The following DRC8 variants were observed in gnomAD, a reference collection of about 807,000 sequenced individuals.
DRC8 encodes the protein dynein regulatory complex protein 8.
At chr1:244,969,914 C>T in the DRC8 span, 3 of 441,284 alleles carry the variant, frequency 6.8e-6, no homozygotes, top group African/African-American at 6.2e-5. Flanking sequence ...GGCCGGGCCG[C>T]GGGCTGGTTC....
chr1:245,034,600 C>CAAA, the DRC8 span, among the ~76,000 whole-genome samples: 41 of 39,504 alleles, frequency 1.0e-3, no homozygotes, highest in African/African-American at 4.0e-3. Context: ...GACTCCATCT[C>CAAA]AAAAAAAAAA....
At chr1:245,115,323 C>A in the DRC8 span, among the ~76,000 whole-genome samples, 1 of 152,216 alleles carries the variant, frequency 6.6e-6, no homozygotes, top group Non-Finnish European at 1.5e-5. Flanking sequence ...GTTGGGATTA[C>A]AGGCGTGAGC....
chr1:245,008,734 T>A, the DRC8 span, among the ~76,000 whole-genome samples: 3 of 151,318 alleles, frequency 2.0e-5, no homozygotes, highest in South Asian at 6.3e-4. Flanking sequence ...AGTGGTGCTA[T>A]CATAGCTCAC....
chr1:245,086,846 C>T, the DRC8 span: 2 of 532,664 alleles, frequency 3.8e-6, no homozygotes, highest in African/African-American at 3.8e-5. Context: ...TGGATCCAAA[C>T]TTGTGCTTTA....
At chr1:245,120,310 G>A in the DRC8 span, among the ~76,000 whole-genome samples, 2 of 152,058 alleles carry the variant, frequency 1.3e-5, no homozygotes, top group African/African-American at 4.8e-5. Flanking sequence ...TTCTCACTAA[G>A]CAACAGGTCC....
the DRC8 span, among the ~76,000 whole-genome samples, chr1:244,974,494 C>T: frequency 6.6e-6 from 1 of 152,166 alleles, no homozygotes. Context: ...TCAATTATCA[C>T]CTCCTAAATG....
At chr1:245,118,815 G>GAAAAGAA in the DRC8 span, among the ~76,000 whole-genome samples, 1 of 151,130 alleles carries the variant, frequency 6.6e-6, no homozygotes, top group African/African-American at 2.4e-5. Context: ...GAAAAGAAAA[G>GAAAAGAA]AAAAGAAAAG....
the DRC8 span, among the ~76,000 whole-genome samples, chr1:244,980,548 A>G: frequency 6.6e-6 from 1 of 152,192 alleles, no homozygotes; most frequent in Admixed American, 6.5e-5. Flanking sequence ...GAAGTCAGGA[A>G]TGAAACAAGG....
chr1:244,995,647 C>G, the DRC8 span, among the ~76,000 whole-genome samples: 1 of 152,080 alleles, frequency 6.6e-6, no homozygotes, highest in South Asian at 2.1e-4. Flanking sequence ...CCGAGCCCAC[C>G]CATCTCTTGT....
At chr1:244,969,705 G>A in the DRC8 span, 1 of 179,844 alleles carries the variant, frequency 5.6e-6, no homozygotes, top group Admixed American at 6.3e-5. Flanking sequence ...AGCAATAGTC[G>A]AATGGCTCTG....
the DRC8 span, among the ~76,000 whole-genome samples, chr1:245,093,880 G>A: frequency 5.9e-5 from 9 of 152,006 alleles, no homozygotes; most frequent in Non-Finnish European, 1.2e-4. Flanking sequence ...CCCCCCACAC[G>A]CCCCGGCATT....
chr1:245,095,223 C>T, the DRC8 span, among the ~76,000 whole-genome samples: 498 of 152,310 alleles, frequency 3.3e-3, 2 homozygotes, highest in African/African-American at 0.011. Context: ...AGCTGAGCTC[C>T]GTCTGGCCTG....
chr1:245,034,745 A>G, the DRC8 span, among the ~76,000 whole-genome samples: 4 of 152,056 alleles, frequency 2.6e-5, no homozygotes, highest in African/African-American at 7.2e-5. Context: ...TCCAACTCAA[A>G]AAAGCTAGGG....
chr1:245,033,165 T>A, the DRC8 span, among the ~76,000 whole-genome samples: 1 of 152,188 alleles, frequency 6.6e-6, no homozygotes, highest in Admixed American at 6.5e-5. Context: ...CGGCGGGCTC[T>A]CCAACCCAAC....
chr1:245,061,923 T>C, the DRC8 span, among the ~76,000 whole-genome samples: 55 of 152,244 alleles, frequency 3.6e-4, no homozygotes, highest in African/African-American at 1.3e-3. Flanking sequence ...CTGGCCAACA[T>C]GGTGAAGTCC....
At chr1:245,011,838 A>G in the DRC8 span, among the ~76,000 whole-genome samples, 1 of 152,256 alleles carries the variant, frequency 6.6e-6, no homozygotes, top group South Asian at 2.1e-4. Context: ...ACTATAAATG[A>G]CCATATAGAA....
chr1:245,044,250 T>TTAG, the DRC8 span, among the ~76,000 whole-genome samples: 1 of 152,214 alleles, frequency 6.6e-6, no homozygotes, highest in Non-Finnish European at 1.5e-5. Context: ...GATTTCATGT[T>TTAG]TGTAATTGGC....
the DRC8 span, among the ~76,000 whole-genome samples, chr1:245,092,822 C>A: frequency 6.6e-6 from 1 of 151,980 alleles, no homozygotes; most frequent in African/African-American, 2.4e-5. Context: ...CCCCGGAGGT[C>A]GAGGCTACAG....
chr1:245,074,509 G>T, the DRC8 span, among the ~76,000 whole-genome samples: 4 of 152,148 alleles, frequency 2.6e-5, no homozygotes, highest in East Asian at 5.8e-4. Flanking sequence ...AGGCACTGCT[G>T]CAGCCTTTCC....
Sources: gnomAD v4.1 joint callset for allele counts (sites outside exome capture counted in the v4.1 genomes callset) on GRCh38, gnomAD v4.1.1 for gene constraint, MANE v1.5 for transcripts, NCBI Gene and HGNC (gene_info 2026-07-23, HGNC 2026-07-21) for gene names.